The following PPDPFL variants were observed in gnomAD, a reference collection of about 807,000 sequenced individuals.
PPDPFL encodes the protein pancreatic progenitor cell differentiation and proliferation factor like.
In PPDPFL, 12 loss-of-function variants were observed where a neutral mutation model predicts 12.6. That is an observed-to-expected ratio of 0.95 (90% CI 0.61 to 1.54). The LOEUF is 1.54. Ranked by LOEUF, PPDPFL falls within the 40% of genes most tolerant of loss-of-function variation. The pLI is 0.00. For synonymous variants in PPDPFL, 24 were observed against 32.7 expected, an observed-to-expected ratio of 0.73 and a Z score of 0.91; for missense variants, 114 against 96.0, an observed-to-expected ratio of 1.19 and a Z score of -0.78.
rs779927937 is a variant in PPDPFL, at chr8:49,072,880, A to C, written c.50A>C (p.Tyr17Ser). Residue 17 changes from tyrosine to serine, a missense_variant, in exon 2 of 5, where the codon TAT becomes TCT. Tyr to Ser is a moderately radical substitution (Grantham distance 144). Transcript: ENST00000522267. ...TGCCTTCTAGCCAGAAATCAGTATT[A>C]TCGAAGTAAGTTGCATCATCATAGA... ...IGCLLARNQY[Y>S]RKSSVSSVSS... 6.2e-7 allele frequency: 1 copy of C among 1,606,420 alleles called. No homozygotes were observed. The highest frequency in any genetic ancestry group is 1.1e-5 in the South Asian group (1 of 89,516).
upstream of PPDPFL, among the ~76,000 whole-genome samples, chr8:49,070,657 G>T (rs529522449): frequency 1.7e-3 from 264 of 151,744 alleles, no homozygotes; most frequent in African/African-American, 6.1e-3. Flanking sequence ...AGGGAGAAGA[G>T]GCCTAAATAA....
chr8:49,072,908 C>T (rs369926079), intron 2 of PPDPFL, 23 bp downstream of exon 2: 80 of 1,584,512 alleles, frequency 5.0e-5, no homozygotes, highest in Admixed American at 1.1e-4. Context: ...ATCATAGAGA[C>T]GTCCCTAGAT....
intron 1 of PPDPFL, among the ~76,000 whole-genome samples, chr8:49,057,430 T>C (rs1585669039): frequency 6.6e-6 from 1 of 152,210 alleles, no homozygotes; most frequent in South Asian, 2.1e-4. Context: ...GGAGCAAAAT[T>C]TTTTATATTT....
upstream of PPDPFL, among the ~76,000 whole-genome samples, chr8:49,067,540 C>G (rs568907256): frequency 2.6e-5 from 4 of 152,344 alleles, no homozygotes; most frequent in East Asian, 7.7e-4. Context: ...TGTGACAACA[C>G]AGGGCCATGG....
intron 1 of PPDPFL, among the ~76,000 whole-genome samples, chr8:49,064,664 T>C (rs895989894): frequency 6.6e-6 from 1 of 152,126 alleles, no homozygotes; most frequent in Non-Finnish European, 1.5e-5. Context: ...GAAAAGTCTT[T>C]AATAAAACTG....
At chr8:49,058,194 T>A (rs911341724) in intron 1 of PPDPFL, among the ~76,000 whole-genome samples, 4 of 152,206 alleles carry the variant, frequency 2.6e-5, no homozygotes, top group African/African-American at 9.6e-5. Context: ...AACCTCTGAT[T>A]CCCAACTTTC....
At chr8:49,067,520 G>A (rs988477746), upstream of PPDPFL, among the ~76,000 whole-genome samples, 2 of 152,208 alleles carry the variant, frequency 1.3e-5, no homozygotes, top group African/African-American at 4.8e-5. Flanking sequence ...TGCACACATG[G>A]CCAGTGGTCT....
upstream of PPDPFL, among the ~76,000 whole-genome samples, chr8:49,070,592 G>T (rs1808362945): frequency 6.6e-6 from 1 of 152,062 alleles, no homozygotes; most frequent in Admixed American, 6.5e-5. Flanking sequence ...ATATTTCTTT[G>T]AAAAAATTGG....
intron 1 of PPDPFL, among the ~76,000 whole-genome samples, chr8:49,061,536 CTGCT>C (rs1379414000): frequency 2.0e-5 from 3 of 152,154 alleles, no homozygotes; most frequent in Non-Finnish European, 4.4e-5. Flanking sequence ...GTGGAAGGGG[CTGCT>C]TTAGTGGTTG....
At position 49,067,289 on chromosome 8, in the gene PPDPFL, T is replaced by C. The variant is rs1454074900; in HGVS notation, c.-44-5498T>C. ...AACAGTGTTTTAATGCAGATTCCCA[T>C]GTGTTTATAGAGTACATGCTACACA... On this transcript the variant is annotated intron_variant, in intron 1 of 4. Transcript: ENST00000517663. Among the ~76,000 whole-genome samples the C allele has an allele frequency of 2.0e-5, 3 of 152,330 alleles. No individual in the cohort carries two copies. In the East Asian group the frequency reaches 5.8e-4, roughly 29 times the overall value.
upstream of PPDPFL, among the ~76,000 whole-genome samples, chr8:49,070,950 A>C (rs1017079239): frequency 1.3e-4 from 20 of 152,160 alleles, no homozygotes; most frequent in Non-Finnish European, 8.8e-5. Context: ...AGTATTAGCT[A>C]CAATCCTGCT....
At chr8:49,058,545 A>G (rs977638849) in intron 1 of PPDPFL, among the ~76,000 whole-genome samples, 1 of 152,234 alleles carries the variant, frequency 6.6e-6, no homozygotes, top group African/African-American at 2.4e-5. Context: ...AATGTGTTTT[A>G]ATTACAGTTT....
rs190437492 is a variant in PPDPFL, at chr8:49,063,528, T to A, written c.-45+9159T>A. ...TGAGCCCAGGATTTCGAGACCAGCCTGGGCAACATGATAAAACCCTGTCTC... is the reference window on the plus strand; with the variant it reads ...TGAGCCCAGGATTTCGAGACCAGCCAGGGCAACATGATAAAACCCTGTCTC... On this transcript the variant is annotated intron_variant, in intron 1 of 4. Transcript: ENST00000517663. Among the ~76,000 whole-genome samples, 55 of 152,208 alleles carry A rather than the reference T, an allele frequency of 3.6e-4. 1 individual carries two copies. Among genetic ancestry groups the A allele is most frequent in the Non-Finnish European group, 6.3e-4 (43 of 67,998 alleles).
intron 1 of PPDPFL, among the ~76,000 whole-genome samples, chr8:49,057,180 G>C (rs534816043): frequency 6.6e-6 from 1 of 152,106 alleles, no homozygotes; most frequent in Non-Finnish European, 1.5e-5. Context: ...TTGTTTTAGC[G>C]AATGCACATT....
chr8:49,075,353 A>T lies in PPDPFL; in HGVS notation c.*180A>T, dbSNP rs1808477370. 33 of 1,220,402 alleles carry T rather than the reference A, an allele frequency of 2.7e-5. No individual in the cohort carries two copies. The highest frequency in any genetic ancestry group is 2.2e-5 in the Non-Finnish European group (18 of 824,982). 75.6% of individuals were successfully genotyped at this position (1,220,402 alleles called of 1,614,324 possible). ...CTCTTCTCCATTGTAAGAAGACAGA[A>T]ATGTGTCTGAGATCTCATTTATGAG... On this transcript the variant is annotated 3_prime_UTR_variant, in exon 5 of 5. Coordinates refer to ENST00000522267, the MANE Select transcript of PPDPFL (RefSeq NM_001256597.2).
At chr8:49,064,007 G>C (rs770850981) in intron 1 of PPDPFL, among the ~76,000 whole-genome samples, 1 of 152,092 alleles carries the variant, frequency 6.6e-6, no homozygotes, top group Non-Finnish European at 1.5e-5. Flanking sequence ...ATGGAGGGTT[G>C]GTCATGCAGG....
At chr8:49,071,285 A>G (rs547695956), upstream of PPDPFL, among the ~76,000 whole-genome samples, 1 of 152,348 alleles carries the variant, frequency 6.6e-6, no homozygotes, top group South Asian at 2.1e-4. Flanking sequence ...CACTGAACAA[A>G]TCGAATCAGC....
At position 49,075,559 on chromosome 8, in the gene PPDPFL, A is replaced by AT. The variant is rs66682157; in HGVS notation, c.*392dup. 1 of 406,932 alleles carries AT rather than the reference A, an allele frequency of 2.5e-6. No homozygotes were observed. The highest frequency in any genetic ancestry group is 4.4e-6 in the Non-Finnish European group (1 of 227,010). 25.2% of individuals were successfully genotyped at this position (406,932 alleles called of 1,614,324 possible). On this transcript the variant is annotated 3_prime_UTR_variant, in exon 5 of 5. Transcript: ENST00000522267. ...GTGACTTACATAAAGTAGCTCTTTC[A>AT]TTTTTTATATCATTTTTATTAAAAA... is the stretch of plus-strand genomic sequence containing the variant.
At chr8:49,055,944 T>C (rs964700361) in intron 1 of PPDPFL, among the ~76,000 whole-genome samples, 5 of 152,192 alleles carry the variant, frequency 3.3e-5, no homozygotes, top group Admixed American at 1.3e-4. Context: ...TTCAATCTTT[T>C]GTTATCGCTC....
Sources: allele counts gnomAD v4.1 joint callset (sites outside exome capture counted in the v4.1 genomes callset), GRCh38; gene constraint gnomAD v4.1.1; transcripts MANE v1.5; gene names NCBI Gene and HGNC (gene_info 2026-07-23, HGNC 2026-07-21).